The following PIP5K1C variants were observed in gnomAD, a reference collection of about 807,000 sequenced individuals.
PIP5K1C encodes the protein phosphatidylinositol 4-phosphate 5-kinase type-1 gamma.
PIP5K1C carries 45 observed loss-of-function variants against 80.1 expected under a neutral mutation model. That is an observed-to-expected ratio of 0.56 (90% confidence interval 0.44 to 0.72). The LOEUF (loss-of-function observed/expected upper bound fraction) is 0.72, where lower values mean the gene tolerates loss of function less well. PIP5K1C is among the 30% of genes least tolerant of loss of function. The probability of loss-of-function intolerance (pLI) is 0.00; values close to 1 mark genes in which losing one functional copy is unlikely to be tolerated. For synonymous variants in PIP5K1C, 498 were observed against 420.1 expected (o/e 1.19, Z -2.27); for missense variants, 753 against 954.6 (o/e 0.79, Z 2.78).
intron 1 of PIP5K1C, among the ~76,000 whole-genome samples, chr19:3,684,689 G>C (rs2145585989): frequency 6.6e-6 from 1 of 152,362 alleles, no homozygotes; most frequent in South Asian, 2.1e-4. Flanking sequence ...GCAGTGGTTT[G>C]TTGCATAATC....
chr19:3,680,454 G>A (rs1290877167), intron 1 of PIP5K1C, among the ~76,000 whole-genome samples: 2 of 152,076 alleles, frequency 1.3e-5, no homozygotes, highest in African/African-American at 2.4e-5. Context: ...AAAGGGATCC[G>A]CCACTATTCT....
chr19:3,695,399 G>A (rs1475123137), intron 1 of PIP5K1C, among the ~76,000 whole-genome samples: 4 of 152,204 alleles, frequency 2.6e-5, no homozygotes, highest in Admixed American at 6.5e-5. Context: ...TCACGGGGCC[G>A]GCTGCCTGTC....
At chr19:3,678,524 A>AT in intron 1 of PIP5K1C, among the ~76,000 whole-genome samples, 1 of 73,582 alleles carries the variant, frequency 1.4e-5, no homozygotes, top group African/African-American at 5.5e-5. Context: ...GGATGGAGGG[A>AT]GGGATGGATG....
chr19:3,699,223 G>A (rs1286456456), intron 1 of PIP5K1C, among the ~76,000 whole-genome samples: 1 of 151,716 alleles, frequency 6.6e-6, no homozygotes, highest in Non-Finnish European at 1.5e-5. Context: ...GACACCGGCT[G>A]CCCGCAAAGA....
Position 3,632,795 on chromosome 19 carries a change from C to T in PIP5K1C, c.*372G>A, listed in dbSNP as rs112778797. 2.5e-5 allele frequency: 6 copies of T among 236,430 alleles called. No individual in the cohort carries two copies. Among genetic ancestry groups the T allele is most frequent in the Non-Finnish European group, 4.1e-5 (5 of 123,152 alleles). 14.6% of individuals were successfully genotyped at this position (236,430 alleles called of 1,614,324 possible). On this transcript the variant is annotated 3_prime_UTR_variant, in exon 18 of 18. Transcript: ENST00000335312. ...TTCTTCCTCAGGACACAGGCAGGCA[C>T]AGCAGAGAACCAAAGAGTGCAGTGG...
chr19:3,658,221 G>C (rs1255339021), intron 5 of PIP5K1C, among the ~76,000 whole-genome samples: 2 of 152,242 alleles, frequency 1.3e-5, no homozygotes, highest in East Asian at 3.8e-4. Context: ...GCTGGATTTT[G>C]CGGAGTCAGC....
chr19:3,678,524 A>G, intron 1 of PIP5K1C, among the ~76,000 whole-genome samples: 1 of 73,582 alleles, frequency 1.4e-5, no homozygotes, highest in Non-Finnish European at 2.6e-5. Context: ...GGATGGAGGG[A>G]GGGATGGATG....
chr19:3,677,736 G>GGATGGAGA (rs2035407623), intron 1 of PIP5K1C, among the ~76,000 whole-genome samples: 1 of 99,950 alleles, frequency 1.0e-5, no homozygotes, highest in Non-Finnish European at 2.1e-5. Flanking sequence ...GGGATGGAAG[G>GGATGGAGA]ATGGTGGGAT....
rs1211559286 is a variant in PIP5K1C, at chr19:3,637,023, C to T, written c.1920+1861G>A. On this transcript the variant is annotated intron_variant, in intron 16 of 17. Coordinates refer to ENST00000335312, the MANE Select transcript of PIP5K1C (RefSeq NM_012398.3). The surrounding 1 kb of genome is among the most constrained non-coding windows in gnomAD (Gnocchi z 7.0). ...TCCCAGGGGAGCCGAGGCCTCAGCG[C>T]CTCCATCTGTGAGGTGGGTGTGGAG... 6.6e-6 allele frequency: 7 copies of T among 1,058,654 alleles called. No homozygotes were observed. The African/African-American group carries it at 8.6e-5, about 13-fold the overall frequency. 65.6% of individuals were successfully genotyped at this position (1,058,654 alleles called of 1,614,324 possible).
intron 11 of PIP5K1C, among the ~76,000 whole-genome samples, chr19:3,645,130 G>A (rs923634500): frequency 6.6e-6 from 1 of 152,204 alleles, no homozygotes; most frequent in Non-Finnish European, 1.5e-5. Flanking sequence ...GGGAAGAGCA[G>A]CCTGCCTGCA....
intron 12 of PIP5K1C, 79 bp from the exon 13 acceptor site, chr19:3,643,460 T>C (rs1456076043): frequency 3.8e-6 from 6 of 1,572,420 alleles, no homozygotes; most frequent in African/African-American, 1.3e-5. Context: ...GAGGCTTGGC[T>C]CACCCTGGGA....
At chr19:3,669,188 G>T (rs1395319670) in intron 1 of PIP5K1C, among the ~76,000 whole-genome samples, 1 of 152,180 alleles carries the variant, frequency 6.6e-6, no homozygotes, top group Non-Finnish European at 1.5e-5. Context: ...CCTCAAAGGG[G>T]ATTATTATGA....
At chr19:3,653,153 G>A (rs1284669673) in intron 7 of PIP5K1C, 137 bp downstream of exon 7, 1 of 724,222 alleles carries the variant, frequency 1.4e-6, no homozygotes, top group East Asian at 2.7e-5. Flanking sequence ...ATCCCACACT[G>A]GGGTGGGGCC....
intron 1 of PIP5K1C, among the ~76,000 whole-genome samples, chr19:3,678,596 A>C (rs2035485025): frequency 1.2e-5 from 1 of 85,356 alleles, no homozygotes. Context: ...AAAGGGATGG[A>C]GGGATGGAGG....
intron 2 of PIP5K1C, 96 bp from the exon 3 acceptor site, chr19:3,665,010 G>A (rs1195959644): frequency 4.0e-6 from 4 of 997,376 alleles, no homozygotes; most frequent in Non-Finnish European, 6.2e-6. Flanking sequence ...TTTAGTCGTT[G>A]GGCCCAGCAG....
intron 16 of PIP5K1C, 145 bp from the exon 17 acceptor site, chr19:3,633,665 C>T (rs950444814): frequency 3.6e-5 from 18 of 504,362 alleles, no homozygotes; most frequent in Middle Eastern, 1.0e-3. Flanking sequence ...AGCCCAGCTG[C>T]CCTCTCTGAC....
In PIP5K1C at chr19:3,648,787, C is replaced by A. The variant is rs1309648345; in HGVS notation, c.1128-79G>T. 1.6e-6 allele frequency: 2 copies of A among 1,227,224 alleles called. No homozygotes were observed. The highest frequency in any genetic ancestry group is 2.4e-5 in the East Asian group (1 of 42,170). The allele number at this position is 1,227,224 out of a possible 1,614,324, so 76.0% of individuals were successfully genotyped here. A position where few individuals can be genotyped will look rare whatever the true frequency, so the allele number is the denominator to read the frequency against. On this transcript the variant is annotated intron_variant, in intron 8 of 17. Coordinates refer to ENST00000335312, the MANE Select transcript of PIP5K1C (RefSeq NM_012398.3). The surrounding 1 kb of genome is among the most constrained non-coding windows in gnomAD (Gnocchi z 4.3). The stretch of plus-strand genomic sequence containing the variant: ...GCAGGCGGGGCTGGGGACTCCAGGG[C>A]TAGGGAGTCCATCTGCTCCTGTGGG...
chr19:3,655,108 A>AC (rs71166918), intron 6 of PIP5K1C, among the ~76,000 whole-genome samples: 1 of 4,586 alleles, frequency 2.2e-4, no homozygotes, highest in African/African-American at 9.4e-4. Flanking sequence ...ACTCCATCTC[A>AC]AAAAAAAAAA....
chr19:3,644,255 C>A lies in PIP5K1C; in HGVS notation c.1346-4G>T. ...TTGGAGGGCGAGGACTTCAGGGCTGCAGGGAAGGGTGGGGGTTGGTGCTTG... is the reference window on the plus strand; with the variant it reads ...TTGGAGGGCGAGGACTTCAGGGCTGAAGGGAAGGGTGGGGGTTGGTGCTTG... On this transcript the variant is annotated splice_polypyrimidine_tract_variant and splice_region_variant and intron_variant, in intron 11 of 17. Coordinates refer to ENST00000335312, the MANE Select transcript of PIP5K1C (RefSeq NM_012398.3). The A allele has an allele frequency of 6.2e-7, 1 of 1,611,414 alleles. No individual in the cohort carries two copies.
Sources: allele counts gnomAD v4.1 joint callset (sites outside exome capture counted in the v4.1 genomes callset), GRCh38; gene constraint gnomAD v4.1.1; non-coding constraint Gnocchi (gnomAD v3.1); transcripts MANE v1.5; gene names NCBI Gene and HGNC (gene_info 2026-07-23, HGNC 2026-07-21).